The following RHOT1 variants were observed in gnomAD, a reference collection of about 807,000 sequenced individuals.
RHOT1 encodes the protein ras homolog family member T1.
In RHOT1, 27 loss-of-function variants were observed where a neutral mutation model predicts 95.3. The ratio of observed to expected loss-of-function variants is 0.28; its 90% CI spans 0.21 to 0.39. RHOT1 has a LOEUF of 0.39. Ranked by LOEUF, RHOT1 falls within the 10% of genes least tolerant of loss-of-function variation. The pLI is 1.00. For missense variants in RHOT1, 578 were observed against 786.7 expected (o/e 0.73, Z 3.17); for synonymous variants, 227 against 263.5 (o/e 0.86, Z 1.34).
chr17:32,175,768 C>T (rs2142558396), intron 4 of RHOT1, among the ~76,000 whole-genome samples, 194 bp from the exon 5 acceptor site: 1 of 152,258 alleles, frequency 6.6e-6, no homozygotes, highest in Non-Finnish European at 1.5e-5. Context: ...ATGGCTGTTA[C>T]TGAGTATGTG....
intron 6 of RHOT1, among the ~76,000 whole-genome samples, chr17:32,178,185 A>G (rs1200161833): frequency 1.3e-5 from 2 of 149,548 alleles, no homozygotes; most frequent in African/African-American, 5.0e-5. Flanking sequence ...AAGAAACTAC[A>G]TGAAATAATA....
At chr17:32,157,428 A>T (rs565348889) in intron 1 of RHOT1, among the ~76,000 whole-genome samples, 37 of 152,366 alleles carry the variant, frequency 2.4e-4, no homozygotes, top group Admixed American at 1.6e-3. Context: ...ACGAAATGTG[A>T]CATCAAGGAG....
chr17:32,160,608 C>T (rs1043717144), intron 1 of RHOT1, among the ~76,000 whole-genome samples: 2 of 152,204 alleles, frequency 1.3e-5, no homozygotes, highest in African/African-American at 2.4e-5. Flanking sequence ...TTCCTGGAGT[C>T]GCCAAGCTTC....
chr17:32,175,189 C>T, intron 3 of RHOT1, 130 bp from the exon 4 acceptor site: 1 of 739,694 alleles, frequency 1.4e-6, no homozygotes, highest in Non-Finnish European at 2.3e-6. Context: ...CTTCCCCTGG[C>T]TTTCCCTTGT....
At chr17:32,196,006 C>T (rs1387404328) in intron 11 of RHOT1, among the ~76,000 whole-genome samples, 1 of 151,892 alleles carries the variant, frequency 6.6e-6, no homozygotes, top group African/African-American at 2.4e-5. Flanking sequence ...TTTTTTAATC[C>T]TCTTTGCCTT....
intron 11 of RHOT1, 42 bp from the exon 12 acceptor site, chr17:32,198,905 A>G (rs1401964123): frequency 7.7e-7 from 1 of 1,303,472 alleles, no homozygotes; most frequent in East Asian, 2.3e-5. Context: ...AAATTTTAAC[A>G]TTTGATTAAT....
rs753817381 is a variant in RHOT1, at chr17:32,175,980, G to A, written c.241G>A (p.Val81Met). Residue 81 changes from valine (V) to methionine (M), a missense_variant, in exon 5 of 20, where the codon GTG (valine) becomes ATG (methionine). By Grantham distance (21) the Val-to-Met change is conservative. This residue lies in a region of RHOT1 where 51 missense variants were observed against 114.7 expected (regional missense o/e 0.44). Coordinates refer to ENST00000545287, the MANE Select transcript of RHOT1 (RefSeq NM_001033566.3). ...EISQANVICI[V>M]YAVNNKHSID... is the part of the protein sequence containing the mutation. Reference sequence around the variant, plus strand: ...CTTCTAGGCTAATGTCATCTGTATAGTGTATGCCGTTAACAACAAGCATTC... The same window carrying A: ...CTTCTAGGCTAATGTCATCTGTATAATGTATGCCGTTAACAACAAGCATTC... The A allele has an allele frequency of 6.2e-7, 1 of 1,600,956 alleles. No individual in the cohort carries two copies. The highest frequency in any genetic ancestry group is 8.5e-7 in the Non-Finnish European group (1 of 1,175,522).
chr17:32,184,251 C>T (rs2035861112), intron 8 of RHOT1, among the ~76,000 whole-genome samples: 1 of 152,060 alleles, frequency 6.6e-6, no homozygotes, highest in Admixed American at 6.6e-5. Context: ...TGTCCCGTTA[C>T]TCAGCCCCTG....
At chr17:32,149,635 A>ATATATATATGTGTG (rs1445281403) in intron 1 of RHOT1, among the ~76,000 whole-genome samples, 6 of 59,094 alleles carry the variant, frequency 1.0e-4, no homozygotes, top group Non-Finnish European at 1.4e-4. Flanking sequence ...ATATATATAT[A>ATATATATATGTGTG]TGTGTGTGTG....
chr17:32,208,076 T>C lies in RHOT1; in HGVS notation c.1537-31T>C, dbSNP rs370477368. ...TAAATAGTAATTTTTGAACTTGTTA[T>C]CAGATTTTGATTTCATTTTTTATTC... On this transcript the variant is annotated intron_variant, in intron 17 of 19. Transcript: ENST00000545287. 7 of 1,580,572 alleles carry C rather than the reference T, an allele frequency of 4.4e-6. No individual in the cohort carries two copies. The Admixed American group carries it at 8.4e-5, about 19-fold the overall frequency.
chr17:32,211,745 T>A (rs917461178), intron 19 of RHOT1, among the ~76,000 whole-genome samples: 44 of 152,202 alleles, frequency 2.9e-4, no homozygotes, highest in African/African-American at 9.6e-4. Flanking sequence ...CTGGAGTGTT[T>A]ATTTGAAAGA....
At chr17:32,180,606 C>T (rs144286338) in intron 6 of RHOT1, among the ~76,000 whole-genome samples, 5,415 of 145,522 alleles carry the variant, frequency 0.037, 358 homozygotes, top group African/African-American at 0.13. Context: ...TCCCCCTCTC[C>T]GAGAAACACC....
intron 1 of RHOT1, among the ~76,000 whole-genome samples, chr17:32,147,681 A>G (rs893723455): frequency 2.0e-5 from 3 of 151,982 alleles, no homozygotes; most frequent in Non-Finnish European, 2.9e-5. Flanking sequence ...TTAGCTGGGC[A>G]TGGTGGCGTG....
At chr17:32,180,794 C>G (rs976531408) in intron 6 of RHOT1, among the ~76,000 whole-genome samples, 10 of 151,562 alleles carry the variant, frequency 6.6e-5, no homozygotes, top group African/African-American at 2.2e-4. Context: ...TTGGCTTTAC[C>G]ATGACAGCTT....
chr17:32,170,178 G>A (rs1598341571), intron 1 of RHOT1, among the ~76,000 whole-genome samples: 1 of 152,294 alleles, frequency 6.6e-6, no homozygotes, highest in African/African-American at 2.4e-5. Flanking sequence ...ACTTTGGGAG[G>A]CCGAGGCAGG....
intron 16 of RHOT1, among the ~76,000 whole-genome samples, chr17:32,205,052 A>T (rs8072872): frequency 0.27 from 38,571 of 143,188 alleles, 5,757 homozygotes; most frequent in African/African-American, 0.47. Flanking sequence ...TTTTTTTTTT[A>T]AATTTTACTT....
chr17:32,149,647 G>A (rs1482622544), intron 1 of RHOT1, among the ~76,000 whole-genome samples: 21 of 131,272 alleles, frequency 1.6e-4, no homozygotes, highest in Admixed American at 3.0e-4. Flanking sequence ...GTGTGTGTGT[G>A]TGTGTGTGTG....
At chr17:32,156,333 C>T (rs375402143) in intron 1 of RHOT1, among the ~76,000 whole-genome samples, 17 of 152,330 alleles carry the variant, frequency 1.1e-4, no homozygotes, top group African/African-American at 4.1e-4. Flanking sequence ...GTGGTGTGAT[C>T]ATGGCTCACT....
intron 8 of RHOT1, among the ~76,000 whole-genome samples, chr17:32,185,876 G>A (rs761702211): frequency 1.3e-5 from 2 of 151,530 alleles, no homozygotes; most frequent in Non-Finnish European, 2.9e-5. Flanking sequence ...ACATGCCACC[G>A]TGCCCAGCTA....
Sources: allele counts gnomAD v4.1 joint callset (sites outside exome capture counted in the v4.1 genomes callset), GRCh38; gene constraint gnomAD v4.1.1; regional missense constraint gnomAD v4.1.1; transcripts MANE v1.5; gene names NCBI Gene and HGNC (gene_info 2026-07-23, HGNC 2026-07-21).